The following MAPK8 variants were observed in gnomAD, a reference collection of about 807,000 sequenced individuals.
MAPK8 encodes JUN N-terminal kinase.
A neutral mutation model predicts 52.9 loss-of-function variants in MAPK8; 13 were observed. The observed-to-expected ratio is 0.25, with a 90% CI of 0.16 to 0.39. MAPK8 has a LOEUF of 0.39. Among genes scored for constraint, MAPK8 ranks in the 10% least tolerant of loss-of-function variants. The pLI is 1.00. For missense variants in MAPK8, 300 were observed against 519.2 expected (o/e 0.58, Z 4.10); for synonymous variants, 191 against 169.8 (o/e 1.12, Z -0.97).
chr10:48,310,782 GAGAC>G (rs147091756), intron 1 of MAPK8, among the ~76,000 whole-genome samples: 5,513 of 152,074 alleles, frequency 0.036, 281 homozygotes, highest in African/African-American at 0.11. Flanking sequence ...TGCATGGAGA[GAGAC>G]AGAGAGGAGA....
intron 1 of MAPK8, among the ~76,000 whole-genome samples, chr10:48,386,568 G>A (rs138217288): frequency 1.3e-5 from 2 of 152,304 alleles, no homozygotes; most frequent in African/African-American, 4.8e-5. Flanking sequence ...ACCATTTTGA[G>A]TACAAAGTAA....
In MAPK8 at chr10:48,403,918, TG is replaced by T. The variant is rs1216372003; in HGVS notation, c.123-933del. ...TGCCTGCCACCACGCCCGGCTAATT[TG>T]TGTGTGTGTGTGTGTGTGTGTGTGT... On this transcript the variant is annotated intron_variant, in intron 2 of 11. Coordinates refer to ENST00000374189, the MANE Select transcript of MAPK8 (RefSeq NM_001323329.2). Among the ~76,000 whole-genome samples, 7 of 10,002 alleles carry T rather than the reference TG, an allele frequency of 7.0e-4. No homozygotes were observed. In the East Asian group the frequency reaches 0.012, roughly 17 times the overall value. 6.6% of individuals were successfully genotyped at this position (10,002 alleles called of 152,430 possible).
intron 1 of MAPK8, among the ~76,000 whole-genome samples, chr10:48,318,192 G>T (rs931155473): frequency 1.3e-5 from 2 of 152,112 alleles, no homozygotes; most frequent in African/African-American, 4.8e-5. Flanking sequence ...GCAGAATTTT[G>T]TTTTTCTCAG....
At chr10:48,380,333 A>C (rs756151078) in intron 1 of MAPK8, among the ~76,000 whole-genome samples, 3 of 152,248 alleles carry the variant, frequency 2.0e-5, no homozygotes, top group Non-Finnish European at 2.9e-5. Context: ...ACACATATCA[A>C]TACAACTGTA....
chr10:48,423,156 T>A (rs998418172), intron 6 of MAPK8, among the ~76,000 whole-genome samples: 1 of 152,240 alleles, frequency 6.6e-6, no homozygotes, highest in Non-Finnish European at 1.5e-5. Flanking sequence ...CGATGTGTTG[T>A]CAGTTTCCCT....
intron 1 of MAPK8, among the ~76,000 whole-genome samples, chr10:48,380,530 G>A (rs777297430): frequency 2.3e-4 from 35 of 151,146 alleles, no homozygotes; most frequent in Non-Finnish European, 1.2e-4. Context: ...TCAGGGGTTC[G>A]AGACCAGCCT....
chr10:48,406,206 A>G (rs1411750733), intron 3 of MAPK8, among the ~76,000 whole-genome samples: 1 of 152,170 alleles, frequency 6.6e-6, no homozygotes, highest in Non-Finnish European at 1.5e-5. Context: ...AGAGACAAAG[A>G]TTAAACTTAG....
At chr10:48,310,006 T>C (rs1462190233) in intron 1 of MAPK8, among the ~76,000 whole-genome samples, 3 of 152,228 alleles carry the variant, frequency 2.0e-5, no homozygotes, top group African/African-American at 7.2e-5. Context: ...GCATTCTTAC[T>C]CTTAATGCAG....
chr10:48,372,703 A>G (rs2040400266), intron 1 of MAPK8, among the ~76,000 whole-genome samples: 1 of 152,044 alleles, frequency 6.6e-6, no homozygotes, highest in African/African-American at 2.4e-5. Flanking sequence ...AAAGAAACAA[A>G]TAAAGCCTCC....
chr10:48,311,627 T>C (rs951284292), intron 1 of MAPK8, among the ~76,000 whole-genome samples: 3 of 152,212 alleles, frequency 2.0e-5, no homozygotes, highest in Non-Finnish European at 2.9e-5. Flanking sequence ...TTTAGTGTTA[T>C]TGGGATCTTC....
At chr10:48,345,051 A>C (rs183837580) in intron 1 of MAPK8, among the ~76,000 whole-genome samples, 65 of 152,382 alleles carry the variant, frequency 4.3e-4, no homozygotes, top group African/African-American at 1.4e-3. Context: ...AAAAGAAACC[A>C]AGAATTGTAA....
chr10:48,432,501 T>C (rs1287635337), intron 11 of MAPK8, among the ~76,000 whole-genome samples: 3 of 152,188 alleles, frequency 2.0e-5, no homozygotes, highest in Non-Finnish European at 4.4e-5. Context: ...TCTCTACAAT[T>C]TACTTATAAC....
intron 5 of MAPK8, among the ~76,000 whole-genome samples, chr10:48,414,817 A>G (rs2042974117): frequency 6.6e-6 from 1 of 152,024 alleles, no homozygotes; most frequent in Non-Finnish European, 1.5e-5. Context: ...CCTGGCTTCA[A>G]GCAATCCAGC....
rs759713282 is a variant in MAPK8, at chr10:48,405,026, T to C, written c.252+45T>C. 8.7e-6 allele frequency: 12 copies of C among 1,377,462 alleles called. No individual in the cohort carries two copies. In the African/African-American group the frequency reaches 1.2e-4, roughly 13 times the overall value. The allele number at this position is 1,377,462 out of a possible 1,614,324, so 85.3% of individuals were successfully genotyped here. On this transcript the variant is annotated intron_variant, in intron 3 of 11. Coordinates refer to ENST00000374189, the MANE Select transcript of MAPK8 (RefSeq NM_001323329.2). ...TTCCTAAGTATAGATGAAATCAAGATTTATTCATGAATATGTGAATATCAA... is the reference window on the plus strand; with the variant it reads ...TTCCTAAGTATAGATGAAATCAAGACTTATTCATGAATATGTGAATATCAA...
intron 6 of MAPK8, among the ~76,000 whole-genome samples, chr10:48,421,431 T>C (rs944226831): frequency 2.6e-5 from 4 of 152,210 alleles, no homozygotes; most frequent in Admixed American, 6.5e-5. Flanking sequence ...GTCATAGATA[T>C]GGTGTTATGT....
At chr10:48,369,163 A>G (rs1242243897) in intron 1 of MAPK8, among the ~76,000 whole-genome samples, 1 of 152,214 alleles carries the variant, frequency 6.6e-6, no homozygotes, top group African/African-American at 2.4e-5. Context: ...TGCAGAATGA[A>G]GAATTCAGGG....
intron 6 of MAPK8, among the ~76,000 whole-genome samples, chr10:48,421,839 T>C (rs1748814279): frequency 1.3e-5 from 2 of 151,972 alleles, no homozygotes; most frequent in Non-Finnish European, 2.9e-5. Context: ...AACTGACATA[T>C]GGTTCCTCTT....
At chr10:48,385,478 A>C (rs1406183406) in intron 1 of MAPK8, among the ~76,000 whole-genome samples, 3 of 152,206 alleles carry the variant, frequency 2.0e-5, no homozygotes, top group Non-Finnish European at 4.4e-5. Flanking sequence ...CACTCCAGAA[A>C]ATCGTAAATC....
intron 3 of MAPK8, 150 bp downstream of exon 3, chr10:48,405,131 A>G (rs1286547902): frequency 1.5e-5 from 4 of 269,872 alleles, no homozygotes; most frequent in Non-Finnish European, 2.7e-5. Context: ...ATATATATCT[A>G]CAGGGTGATT....
Sources: allele counts gnomAD v4.1 joint callset (sites outside exome capture counted in the v4.1 genomes callset), GRCh38; gene constraint gnomAD v4.1.1; transcripts MANE v1.5; gene names NCBI Gene and HGNC (gene_info 2026-07-23, HGNC 2026-07-21).